The following NRG1 variants were observed in gnomAD, a reference collection of about 807,000 sequenced individuals.
The protein encoded by NRG1 is pro-neuregulin-1, membrane-bound isoform.
NRG1 carries 18 observed loss-of-function variants against 63.8 expected under a neutral mutation model. That is an observed-to-expected ratio of 0.28 (90% CI 0.19 to 0.42). The LOEUF (loss-of-function observed/expected upper bound fraction) is 0.42, where lower values mean the gene tolerates loss of function less well. Among genes scored for constraint, NRG1 ranks in the 10% least tolerant of loss-of-function variants. The pLI, the probability that NRG1 is intolerant of heterozygous loss-of-function variation, is 1.00. For missense variants in NRG1, 762 were observed against 814.7 expected, an observed-to-expected ratio of 0.94 and a Z score of 0.79; for synonymous variants, 302 against 301.3, an observed-to-expected ratio of 1.00 and a Z score of -0.02.
intron 1 of NRG1, among the ~76,000 whole-genome samples, chr8:32,017,269 T>G (rs1242925010): frequency 6.6e-6 from 1 of 152,190 alleles, no homozygotes; most frequent in Non-Finnish European, 1.5e-5. Flanking sequence ...CTCTGTATTG[T>G]AGACTTGGAG....
chr8:32,710,731 C>A (rs1338225506), intron 5 of NRG1, among the ~76,000 whole-genome samples: 1 of 152,162 alleles, frequency 6.6e-6, no homozygotes, highest in Non-Finnish European at 1.5e-5. Flanking sequence ...TTTCTGATAA[C>A]TTTCATATTA....
intron 6 of NRG1, among the ~76,000 whole-genome samples, chr8:32,731,425 T>C (rs1823636083): frequency 6.6e-6 from 1 of 152,026 alleles, no homozygotes; most frequent in African/African-American, 2.4e-5. Flanking sequence ...TTTTTGTAAT[T>C]AGGATCTTTT....
intron 1 of NRG1, among the ~76,000 whole-genome samples, chr8:31,931,119 T>C (rs905119657): frequency 1.3e-5 from 2 of 152,268 alleles, no homozygotes; most frequent in Admixed American, 1.3e-4. Flanking sequence ...TGAAAAACAG[T>C]CCTCTTTTCC....
At chr8:31,794,668 ATAAT>A (rs143184188) in intron 1 of NRG1, among the ~76,000 whole-genome samples, 1,901 of 152,158 alleles carry the variant, frequency 0.012, 45 homozygotes, top group African/African-American at 0.044. Flanking sequence ...TTACTTTATA[ATAAT>A]TATTATTATT....
intron 1 of NRG1, among the ~76,000 whole-genome samples, chr8:32,032,155 G>C (rs950368630): frequency 6.6e-6 from 1 of 152,180 alleles, no homozygotes; most frequent in African/African-American, 2.4e-5. Flanking sequence ...TAATTGGCAT[G>C]AGATAGTATC....
At chr8:32,127,583 G>C (rs1477826354) in intron 1 of NRG1, among the ~76,000 whole-genome samples, 1 of 149,674 alleles carries the variant, frequency 6.7e-6, no homozygotes, top group African/African-American at 2.5e-5. Context: ...AAAATGAGGA[G>C]ATCTTGGTCT....
At position 31,640,702 on chromosome 8, in the gene NRG1, G is replaced by A. The variant is rs1188414883; in HGVS notation, c.37+1271G>A. 6.2e-7 allele frequency: 1 copy of A among 1,603,338 alleles called. No homozygotes were observed. The highest frequency in any genetic ancestry group is 8.5e-7 in the Non-Finnish European group (1 of 1,175,888). On this transcript the variant is annotated intron_variant, in intron 1 of 10. Transcript: ENST00000519301. The surrounding 1 kb of genome is among the most constrained non-coding windows in gnomAD (Gnocchi z 6.3). ...GACGGGCCGGAACCTCAAGAAGGAG[G>A]TCAGCCGGGTGCTGTGCAAGCGGTG...
chr8:32,029,645 G>A (rs13257739), intron 1 of NRG1, among the ~76,000 whole-genome samples: 36,080 of 152,120 alleles, frequency 0.24, 5,188 homozygotes, highest in East Asian at 0.66. Flanking sequence ...AATTGTTTAA[G>A]TACTAAGTTA....
At chr8:32,346,852 T>C (rs1158794072) in intron 1 of NRG1, among the ~76,000 whole-genome samples, 2 of 151,510 alleles carry the variant, frequency 1.3e-5, no homozygotes, top group Admixed American at 1.3e-4. Flanking sequence ...TTTTTTGAGA[T>C]GGAGTCTTGC....
At chr8:32,375,788 G>A (rs1364931393) in intron 1 of NRG1, among the ~76,000 whole-genome samples, 4 of 152,204 alleles carry the variant, frequency 2.6e-5, no homozygotes, top group Non-Finnish European at 4.4e-5. Context: ...GTGCCTCATA[G>A]TGTATTAAGG....
At chr8:32,546,109 C>T (rs1307988232), upstream of NRG1, among the ~76,000 whole-genome samples, 1 of 152,038 alleles carries the variant, frequency 6.6e-6, no homozygotes, top group Non-Finnish European at 1.5e-5. Context: ...GTCATGTATG[C>T]TTAATTTTGG....
intron 1 of NRG1, among the ~76,000 whole-genome samples, chr8:32,190,071 T>C (rs779072174): frequency 2.0e-5 from 3 of 152,142 alleles, no homozygotes; most frequent in Non-Finnish European, 4.4e-5. Flanking sequence ...TGAATAAACA[T>C]TTGTCAACAT....
chr8:32,631,815 C>T (rs1339734081), intron 5 of NRG1, among the ~76,000 whole-genome samples: 2 of 152,134 alleles, frequency 1.3e-5, no homozygotes, highest in East Asian at 1.9e-4. Context: ...CTCCGTTGCT[C>T]ATAATTGGAC....
chr8:32,178,563 T>C (rs934056588), intron 1 of NRG1, among the ~76,000 whole-genome samples: 1 of 152,096 alleles, frequency 6.6e-6, no homozygotes, highest in Non-Finnish European at 1.5e-5. Context: ...TGAGCCAAGA[T>C]TGCATCATTG....
At chr8:32,080,971 CTT>C in intron 1 of NRG1, among the ~76,000 whole-genome samples, 1 of 152,218 alleles carries the variant, frequency 6.6e-6, no homozygotes. Context: ...AGAATTCTCT[CTT>C]GTTTGGGGAG....
intron 1 of NRG1, among the ~76,000 whole-genome samples, chr8:32,410,082 C>T (rs1735219080): frequency 6.6e-6 from 1 of 152,030 alleles, no homozygotes; most frequent in Admixed American, 6.6e-5. Context: ...GACTCAATAT[C>T]CCCCTGTATG....
chr8:32,059,584 A>T (rs180692261), intron 1 of NRG1, among the ~76,000 whole-genome samples: 1 of 152,142 alleles, frequency 6.6e-6, no homozygotes, highest in East Asian at 1.9e-4. Flanking sequence ...GGTTGAAAAG[A>T]GTTTTCCTTT....
chr8:32,072,202 A>G (rs1328229594), intron 1 of NRG1, among the ~76,000 whole-genome samples: 3 of 151,834 alleles, frequency 2.0e-5, no homozygotes, highest in African/African-American at 4.8e-5. Context: ...ACTTTTCAGT[A>G]TAGAATTGCC....
At chr8:32,608,106 TG>T (rs60077488) in intron 3 of NRG1, among the ~76,000 whole-genome samples, 10,058 of 125,802 alleles carry the variant, frequency 0.08, 1,154 homozygotes, top group East Asian at 0.51. Flanking sequence ...TTTTTTTTTT[TG>T]TTTTTTTTTT....
Sources: gnomAD v4.1 joint callset for allele counts (sites outside exome capture counted in the v4.1 genomes callset) on GRCh38, gnomAD v4.1.1 for gene constraint, Gnocchi (gnomAD v3.1) non-coding constraint, MANE v1.5 for transcripts, NCBI Gene and HGNC (gene_info 2026-07-23, HGNC 2026-07-21) for gene names.